The following SLCO1B3 variants were observed in gnomAD, a reference collection of about 807,000 sequenced individuals.
SLCO1B3 encodes the protein solute carrier organic anion transporter family member 1B3.
SLCO1B3 carries 72 observed loss-of-function variants against 71.8 expected under a neutral mutation model. The ratio of observed to expected loss-of-function variants is 1.00; its 90% confidence interval spans 0.83 to 1.22. The LOEUF (loss-of-function observed/expected upper bound fraction) is 1.22. SLCO1B3 is among the 50% of genes most tolerant of loss of function. The pLI, the probability that SLCO1B3 is intolerant of heterozygous loss-of-function variation, is 0.00. For synonymous variants in SLCO1B3, 298 were observed against 278.4 expected (o/e 1.07, Z -0.70); for missense variants, 911 against 819.7 (o/e 1.11, Z -1.36).
chr12:20,889,392 C>T (rs1865857574), intron 13 of SLCO1B3, among the ~76,000 whole-genome samples: 2 of 151,862 alleles, frequency 1.3e-5, no homozygotes, highest in South Asian at 4.1e-4. Flanking sequence ...CATTATTGGT[C>T]TGTTAAGGAT....
chr12:20,825,684 A>G (rs573008520), intron 3 of SLCO1B3, among the ~76,000 whole-genome samples: 151 of 151,966 alleles, frequency 9.9e-4, no homozygotes, highest in African/African-American at 3.4e-3. Flanking sequence ...CTGTAATCCC[A>G]GCTGCTCAGA....
chr12:20,902,678 G>A (rs931518375), intron 15 of SLCO1B3, among the ~76,000 whole-genome samples: 1 of 152,256 alleles, frequency 6.6e-6, no homozygotes, highest in South Asian at 2.1e-4. Flanking sequence ...ACAAGGTATT[G>A]TAAGCAAAGT....
intron 3 of SLCO1B3, among the ~76,000 whole-genome samples, chr12:20,838,681 G>A (rs1864735018): frequency 6.6e-6 from 1 of 151,964 alleles, no homozygotes. Context: ...AACACAATAA[G>A]TATTTTTGTA....
In SLCO1B3 at chr12:20,872,213, A is replaced by G. The variant is rs567805370; in HGVS notation, c.728-3022A>G. Among the ~76,000 whole-genome samples, 16 of 151,962 alleles carry G rather than the reference A, an allele frequency of 1.1e-4. No individual in the cohort carries two copies. The South Asian group carries it at 1.9e-3, about 18-fold the overall frequency. ...TCTGCCAGGCCACCACCCATGTTCA[A>G]TTAAAGCTCTAGGGCTCTTCAGTCA... On this transcript the variant is annotated intron_variant, in intron 8 of 15. Transcript: ENST00000381545.
intron 15 of SLCO1B3, among the ~76,000 whole-genome samples, chr12:20,904,755 C>CTTTT (rs775996155): frequency 6.6e-4 from 37 of 56,124 alleles, no homozygotes; most frequent in African/African-American, 3.0e-3. Flanking sequence ...GACATCCAGG[C>CTTTT]TTTTTTTTTT....
intron 4 of SLCO1B3, 127 bp downstream of exon 4, chr12:20,855,296 A>G: frequency 2.6e-6 from 2 of 776,116 alleles, no homozygotes; most frequent in Non-Finnish European, 4.0e-6. Flanking sequence ...ATTTGGCAAT[A>G]TGTTAGGATA....
At chr12:20,908,960 C>T (rs1866310632) in intron 15 of SLCO1B3, among the ~76,000 whole-genome samples, 2 of 152,238 alleles carry the variant, frequency 1.3e-5, no homozygotes, top group Admixed American at 6.5e-5. Context: ...AAGAAATTGT[C>T]AGACTGGCTT....
At chr12:20,903,235 A>ATCATGT (rs1310843839) in intron 15 of SLCO1B3, among the ~76,000 whole-genome samples, 1 of 152,328 alleles carries the variant, frequency 6.6e-6, no homozygotes, top group African/African-American at 2.4e-5. Context: ...CGATTAAGCC[A>ATCATGT]TCATGTTCCC....
chr12:20,908,378 CAT>C (rs1269456760), intron 15 of SLCO1B3, among the ~76,000 whole-genome samples: 2 of 152,154 alleles, frequency 1.3e-5, no homozygotes, highest in Admixed American at 6.5e-5. Flanking sequence ...CAGATTGACA[CAT>C]CTTTATCACT....
chr12:20,866,694 G>T (rs943860026), intron 8 of SLCO1B3, among the ~76,000 whole-genome samples: 16 of 150,462 alleles, frequency 1.1e-4, no homozygotes, highest in Non-Finnish European at 1.0e-4. Flanking sequence ...ACATCTACCT[G>T]AGCAGGTTTT....
intron 3 of SLCO1B3, among the ~76,000 whole-genome samples, chr12:20,850,115 A>G (rs1284981973): frequency 6.6e-6 from 1 of 151,268 alleles, no homozygotes; most frequent in East Asian, 1.9e-4. Flanking sequence ...AAATAAACAA[A>G]ATAATATTGA....
intron 3 of SLCO1B3, among the ~76,000 whole-genome samples, chr12:20,840,038 A>G (rs1241001881): frequency 6.6e-6 from 1 of 152,080 alleles, no homozygotes; most frequent in Non-Finnish European, 1.5e-5. Context: ...CTCGGCTTAA[A>G]TTGCTCATCT....
rs764807968 is a variant in SLCO1B3 at position 20,898,438 on chromosome 12, T to C, written c.1685T>C (p.Ile562Thr). 2.2e-5 allele frequency: 35 copies of C among 1,591,798 alleles called. No homozygotes were observed. The South Asian group carries it at 3.6e-4, about 16-fold the overall frequency. Residue 562 changes from isoleucine to threonine, a missense_variant and splice_region_variant, in exon 14 of 16, where the codon ATT (isoleucine) becomes ACT (threonine). Ile to Thr is a moderately conservative substitution (Grantham distance 89, BLOSUM62 -1). Coordinates refer to ENST00000381545, the MANE Select transcript of SLCO1B3 (RefSeq NM_019844.4). ...GTTFILLTVKIVQPELKALAM... is the reference protein window; with the variant it reads ...GTTFILLTVKTVQPELKALAM... Reference sequence around the variant, plus strand: ...TCTTTGCCTTTATCATATTTCAGGATTGTTCAACCTGAATTGAAAGCACTT... The same window carrying C: ...TCTTTGCCTTTATCATATTTCAGGACTGTTCAACCTGAATTGAAAGCACTT...
At chr12:20,824,879 ATACT>A (rs1280405469) in intron 3 of SLCO1B3, among the ~76,000 whole-genome samples, 7 of 152,296 alleles carry the variant, frequency 4.6e-5, no homozygotes, top group Admixed American at 3.3e-4. Flanking sequence ...GAAGTTTAAA[ATACT>A]TAATATGATA....
chr12:20,826,611 C>T (rs1188531259), intron 3 of SLCO1B3, among the ~76,000 whole-genome samples: 4 of 151,218 alleles, frequency 2.6e-5, no homozygotes, highest in East Asian at 3.9e-4. Flanking sequence ...TTATACAAAT[C>T]ATGTATGATA....
chr12:20,864,680 C>G (rs547554611), intron 8 of SLCO1B3, among the ~76,000 whole-genome samples: 1 of 152,120 alleles, frequency 6.6e-6, no homozygotes, highest in African/African-American at 2.4e-5. Flanking sequence ...TGTAGCCTCT[C>G]TATTCAGAAA....
At chr12:20,865,184 T>C (rs1591769081) in intron 8 of SLCO1B3, among the ~76,000 whole-genome samples, 1 of 152,212 alleles carries the variant, frequency 6.6e-6, no homozygotes, top group East Asian at 1.9e-4. Flanking sequence ...TCATCAAAAT[T>C]ACATTTCTGA....
At chr12:20,866,398 T>G (rs1865373932) in intron 8 of SLCO1B3, among the ~76,000 whole-genome samples, 1 of 152,138 alleles carries the variant, frequency 6.6e-6, no homozygotes, top group East Asian at 1.9e-4. Flanking sequence ...TTATATCATA[T>G]TGAAAATTCA....
At chr12:20,858,663 C>A in intron 5 of SLCO1B3, 92 bp downstream of exon 5, 1 of 1,204,026 alleles carries the variant, frequency 8.3e-7, no homozygotes, top group Non-Finnish European at 1.2e-6. Flanking sequence ...GGGCAGTTAC[C>A]TTTTGAGAGG....
Sources: allele counts gnomAD v4.1 joint callset (sites outside exome capture counted in the v4.1 genomes callset), GRCh38; gene constraint gnomAD v4.1.1; transcripts MANE v1.5; gene names NCBI Gene and HGNC (gene_info 2026-07-23, HGNC 2026-07-21).